PFDN1: variants seen among roughly 807,000 people sequenced by gnomAD.
The protein encoded by PFDN1 is prefoldin 1.
Under a neutral mutation model 17.3 loss-of-function variants are expected in PFDN1, and 6 were observed. The ratio of observed to expected loss-of-function variants is 0.35; its 90% CI spans 0.19 to 0.69. PFDN1 has a LOEUF of 0.69. Among genes scored for constraint, PFDN1 ranks in the 30% least tolerant of loss-of-function variants. The pLI is 0.65. For synonymous variants in PFDN1, 58 were observed against 50.1 expected (o/e 1.16, Z -0.67); for missense variants, 113 against 146.2 (o/e 0.77, Z 1.17).
At chr5:140,256,936 T>C (rs1271721078) in intron 3 of PFDN1, among the ~76,000 whole-genome samples, 1 of 152,058 alleles carries the variant, frequency 6.6e-6, no homozygotes, top group Non-Finnish European at 1.5e-5. Context: ...AAACCTCTAA[T>C]GGGCCAGGCG....
intron 3 of PFDN1, among the ~76,000 whole-genome samples, chr5:140,253,239 G>C (rs998800242): frequency 6.6e-6 from 1 of 152,182 alleles, no homozygotes; most frequent in African/African-American, 2.4e-5. Context: ...CTTCAGCTAA[G>C]CGCTGACCTG....
intron 3 of PFDN1, among the ~76,000 whole-genome samples, chr5:140,279,927 G>A (rs558392000): frequency 3.5e-5 from 5 of 144,118 alleles, no homozygotes; most frequent in South Asian, 2.2e-4. Context: ...GCCAGGAGGC[G>A]GAGGTAGCAG....
intron 3 of PFDN1, chr5:140,262,492 T>C (rs1331485178): frequency 4.4e-6 from 2 of 455,850 alleles, no homozygotes; most frequent in East Asian, 6.9e-5. Flanking sequence ...ACAGAATCCA[T>C]GGCTATTAGA....
rs1764807798 is a variant in PFDN1, at chr5:140,245,085, T to C, written c.*889A>G. 4.8e-6 allele frequency: 1 copy of C among 210,296 alleles called. No individual in the cohort carries two copies. Among genetic ancestry groups the C allele is most frequent in the African/African-American group, 2.3e-5 (1 of 42,738 alleles). The allele number at this position is 210,296 out of a possible 1,614,324, so 13.0% of individuals were successfully genotyped here. A position where few individuals can be genotyped will look rare whatever the true frequency, so the allele number is the denominator to read the frequency against. The stretch of plus-strand genomic sequence containing the variant: ...GTAGTAATTAGGGATGCATTTTGAA[T>C]ATTTATTGTCCTTGTTTTTAACATA... On this transcript the variant is annotated 3_prime_UTR_variant, in exon 4 of 4. Transcript: ENST00000261813.
At chr5:140,294,872 G>C (rs1219315699) in intron 2 of PFDN1, among the ~76,000 whole-genome samples, 1 of 151,870 alleles carries the variant, frequency 6.6e-6, no homozygotes, top group Non-Finnish European at 1.5e-5. Flanking sequence ...TGCATTGCTA[G>C]ACACTTATCT....
In PFDN1 at chr5:140,254,858, A is replaced by G. The variant is rs1191665185; in HGVS notation, c.286-8801T>C. ...CTACCCAGCTTTGCTTATATAGTCC[A>G]TCATTTATATTTATTCTCCTTATAT... On this transcript the variant is annotated intron_variant, in intron 3 of 3. Coordinates refer to ENST00000261813, the MANE Select transcript of PFDN1 (RefSeq NM_002622.5). The surrounding 1 kb of genome is among the most constrained non-coding windows in gnomAD (Gnocchi z 4.4). Among the ~76,000 whole-genome samples the G allele has an allele frequency of 6.6e-6, 1 of 152,122 alleles. No homozygotes were observed. The highest frequency in any genetic ancestry group is 1.5e-5 in the Non-Finnish European group (1 of 68,012).
chr5:140,253,084 T>C (rs922837887), intron 3 of PFDN1, among the ~76,000 whole-genome samples: 1 of 152,204 alleles, frequency 6.6e-6, no homozygotes, highest in Non-Finnish European at 1.5e-5. Flanking sequence ...ATCTTAGGCA[T>C]GGAGCAGGAG....
chr5:140,261,527 G>A (rs1305753171), intron 3 of PFDN1, among the ~76,000 whole-genome samples: 1 of 152,126 alleles, frequency 6.6e-6, no homozygotes, highest in Non-Finnish European at 1.5e-5. Context: ...AAAGGACCGG[G>A]AGACAGTGAA....
chr5:140,263,377 T>C lies in PFDN1; in HGVS notation c.286-17320A>G, dbSNP rs142653107. Among the ~76,000 whole-genome samples the C allele has an allele frequency of 4.6e-5, 7 of 152,312 alleles. No individual in the cohort carries two copies. In the East Asian group the frequency reaches 9.6e-4, roughly 21 times the overall value. On this transcript the variant is annotated intron_variant, in intron 3 of 3. Coordinates refer to ENST00000261813, the MANE Select transcript of PFDN1 (RefSeq NM_002622.5). ...ATATTAAAAACCCATGACTGCTGCA[T>C]ACCAAAGCCACATCCTTCAACCTAA...
chr5:140,289,157 C>T (rs1765543777), intron 2 of PFDN1, among the ~76,000 whole-genome samples: 2 of 151,766 alleles, frequency 1.3e-5, no homozygotes, highest in Admixed American at 1.3e-4. Flanking sequence ...TTTGGTGGCA[C>T]ATGCCTGTAA....
rs58605224 is a variant in PFDN1, at chr5:140,264,020, C to CAAAAAAAAA, written c.285+17420_285+17428dup. Among the ~76,000 whole-genome samples, 94 of 55,556 alleles carry CAAAAAAAAA rather than the reference C, an allele frequency of 1.7e-3. 17 individuals are homozygous for CAAAAAAAAA. Among genetic ancestry groups the CAAAAAAAAA allele is most frequent in the Non-Finnish European group, 2.5e-3 (74 of 30,036 alleles). The allele number at this position is 55,556 out of a possible 152,430, so 36.4% of individuals were successfully genotyped here. On this transcript the variant is annotated intron_variant, in intron 3 of 3. Coordinates refer to ENST00000261813, the MANE Select transcript of PFDN1 (RefSeq NM_002622.5). ...TGGGGGTCAGAGTGAGACTCCATCT[C>CAAAAAAAAA]AAAAAAAAAAAAAAAAAAAAAAAAA...
intron 2 of PFDN1, among the ~76,000 whole-genome samples, chr5:140,286,570 T>C (rs1331899977): frequency 7.6e-6 from 1 of 131,118 alleles, no homozygotes; most frequent in Admixed American, 8.7e-5. Flanking sequence ...CGAAAAATGT[T>C]TCCTCTTGAA....
intron 3 of PFDN1, among the ~76,000 whole-genome samples, chr5:140,246,479 A>G (rs1001918171): frequency 6.6e-6 from 1 of 152,232 alleles, no homozygotes; most frequent in African/African-American, 2.4e-5. Flanking sequence ...CACTGCAGCT[A>G]TAAAATGGAT....
At chr5:140,294,945 T>G (rs987782327) in intron 2 of PFDN1, among the ~76,000 whole-genome samples, 2 of 152,008 alleles carry the variant, frequency 1.3e-5, no homozygotes, top group Admixed American at 1.3e-4. Flanking sequence ...ACCCACAGAA[T>G]GGTAGCATAC....
At chr5:140,281,601 A>G (rs1581093526) in intron 2 of PFDN1, 68 bp from the exon 3 acceptor site, 1 of 772,870 alleles carries the variant, frequency 1.3e-6, no homozygotes, top group Non-Finnish European at 2.3e-6. Flanking sequence ...CAATAGCTAC[A>G]TACTACAAAT....
At chr5:140,296,238 T>C (rs953897860) in intron 2 of PFDN1, among the ~76,000 whole-genome samples, 1 of 152,202 alleles carries the variant, frequency 6.6e-6, no homozygotes, top group Non-Finnish European at 1.5e-5. Context: ...AAATACTTTT[T>C]TTTCTAAGAA....
chr5:140,267,206 C>T (rs889632919), intron 3 of PFDN1, among the ~76,000 whole-genome samples: 2 of 152,194 alleles, frequency 1.3e-5, no homozygotes, highest in African/African-American at 4.8e-5. Context: ...ATCACACATG[C>T]GGTTATATTT....
chr5:140,262,620 G>C, intron 3 of PFDN1: 1 of 453,204 alleles, frequency 2.2e-6, no homozygotes, highest in Admixed American at 2.4e-5. Context: ...GTTGTTGAAA[G>C]ATATAAACAA....
chr5:140,260,752 TAGAC>T (rs1765053234), intron 3 of PFDN1, among the ~76,000 whole-genome samples: 1 of 151,890 alleles, frequency 6.6e-6, no homozygotes, highest in Non-Finnish European at 1.5e-5. Context: ...GTTCTAGAAT[TAGAC>T]AGTGGTGATG....
Sources: gnomAD v4.1 joint callset for allele counts (sites outside exome capture counted in the v4.1 genomes callset) on GRCh38, gnomAD v4.1.1 for gene constraint, Gnocchi (gnomAD v3.1) non-coding constraint, MANE v1.5 for transcripts, NCBI Gene and HGNC (gene_info 2026-07-23, HGNC 2026-07-21) for gene names.